ALMS1: variants seen among roughly 807,000 people sequenced by gnomAD.
ALMS1 encodes the protein ALMS1 centrosome and basal body associated protein.
ALMS1 carries 271 observed loss-of-function variants against 352.2 expected under a neutral mutation model. The ratio of observed to expected loss-of-function variants is 0.77; its 90% CI spans 0.70 to 0.85. The LOEUF (loss-of-function observed/expected upper bound fraction) is 0.85, where lower values mean the gene tolerates loss of function less well. Among genes scored for constraint, ALMS1 ranks in the 40% least tolerant of loss-of-function variants. The pLI is 0.00. For missense variants in ALMS1, 5,445 were observed against 4,870.7 expected, an observed-to-expected ratio of 1.12 and a Z score of -3.51; for synonymous variants, 1,865 against 1,761.2, an observed-to-expected ratio of 1.06 and a Z score of -1.48.
chr2:73,450,916 C>CCGTCT lies in ALMS1; in HGVS notation c.4390_4391insGTCTC (p.Gln1464ArgfsTer10), dbSNP rs1217651712. ...TTTCAGTTGCTCCTGGACCAGTTGA[C>CCGTCT]CAGACGATTGGCACACCAACTGTAA... On this transcript the variant is annotated frameshift_variant, in exon 8 of 23. Transcript: ENST00000613296. LOFTEE classifies it high-confidence loss of function. The CCGTCT allele has an allele frequency of 6.2e-7, 1 of 1,613,866 alleles. No homozygotes were observed. Among genetic ancestry groups the CCGTCT allele is most frequent in the Non-Finnish European group, 8.5e-7 (1 of 1,179,942 alleles).
chr2:73,533,769 A>G (rs1673971069), intron 11 of ALMS1, among the ~76,000 whole-genome samples: 2 of 152,312 alleles, frequency 1.3e-5, no homozygotes, highest in South Asian at 4.1e-4. Flanking sequence ...ATGAGATTCC[A>G]TTTACCTCTA....
chr2:73,564,046 GTGTGTGTGTC>G (rs899863720), intron 15 of ALMS1, among the ~76,000 whole-genome samples: 1 of 151,790 alleles, frequency 6.6e-6, no homozygotes, highest in African/African-American at 2.4e-5. Flanking sequence ...GTGTGGCTGT[GTGTGTGTGTC>G]TGTGTGTGTG....
At chr2:73,569,138 C>CA (rs987219621) in intron 15 of ALMS1, among the ~76,000 whole-genome samples, 14 of 150,912 alleles carry the variant, frequency 9.3e-5, no homozygotes, top group Admixed American at 5.3e-4. Flanking sequence ...CCTCAGCCAC[C>CA]ACAGTAGCTG....
rs1164585509 is a variant in ALMS1, at chr2:73,573,527, C to T, written c.11547+103C>T. The T allele has an allele frequency of 4.3e-6, 5 of 1,157,160 alleles. No homozygotes were observed. The South Asian group carries it at 5.2e-5, about 12-fold the overall frequency. The allele number at this position is 1,157,160 out of a possible 1,614,324, so 71.7% of individuals were successfully genotyped here. On this transcript the variant is annotated intron_variant, in intron 16 of 22. Coordinates refer to ENST00000613296, the MANE Select transcript of ALMS1 (RefSeq NM_001378454.1). ...AAAAAAACAAGCCATTTGCCCTTTC[C>T]TCTCTATACCATTTCTTACCAACTG...
chr2:73,577,991 A>G (rs1276045673), intron 16 of ALMS1, among the ~76,000 whole-genome samples: 1 of 152,088 alleles, frequency 6.6e-6, no homozygotes, highest in Non-Finnish European at 1.5e-5. Flanking sequence ...GTCTCCAGCT[A>G]TTACTGTGGA....
rs770072519 is a variant in ALMS1, at chr2:73,550,382, A to G, written c.10023A>G (p.Val3341=). 3 of 1,614,204 alleles carry G rather than the reference A, an allele frequency of 1.9e-6. No homozygotes were observed. The East Asian group carries it at 6.7e-5, about 36-fold the overall frequency. Residue 3341 remains valine (V), a synonymous_variant, in exon 13 of 23, where the codon GTA becomes GTG. Transcript: ENST00000613296. ...AAGAAGGAATCTACAGTAAGAGGGT[A>G]GTGACTAAGGCATCCTTGCCAGTGG... ...KHKEGIYSKR[V]VTKASLPVGE... is the part of the protein sequence containing the mutation.
chr2:73,441,628 C>CCTATTT, intron 7 of ALMS1, among the ~76,000 whole-genome samples: 1 of 152,158 alleles, frequency 6.6e-6, no homozygotes, highest in East Asian at 1.9e-4. Flanking sequence ...TATTCCTATT[C>CCTATTT]CTATTTCTGG....
intron 15 of ALMS1, among the ~76,000 whole-genome samples, chr2:73,565,690 G>A (rs1400952831): frequency 6.6e-6 from 1 of 152,208 alleles, no homozygotes; most frequent in South Asian, 2.1e-4. Context: ...ATAGTGGTAA[G>A]TCATGTTGAT....
intron 9 of ALMS1, among the ~76,000 whole-genome samples, chr2:73,464,985 A>G (rs562825991): frequency 4.7e-4 from 71 of 152,218 alleles, no homozygotes; most frequent in East Asian, 3.1e-3. Context: ...GCTCATGGGT[A>G]GGAAGAATCA....
chr2:73,452,471 A>G lies in ALMS1; in HGVS notation c.5944A>G (p.Ile1982Val), dbSNP rs1671966406. Residue 1982 changes from isoleucine (I) to valine (V), a missense_variant, in exon 8 of 23, where the codon ATA becomes GTA. Transcript: ENST00000613296. ...IPAEQKTGIP[I>V]GLSSSYSHSH... ...AGCAGAGCAGAAGACTGGGATACCA[A>G]TAGGACTGTCTAGTTCCTACTCACA... The G allele has an allele frequency of 1.9e-6, 3 of 1,613,980 alleles. No homozygotes were observed. Among genetic ancestry groups the G allele is most frequent in the South Asian group, 2.2e-5 (2 of 91,076 alleles).
intron 1 of ALMS1, among the ~76,000 whole-genome samples, chr2:73,394,765 A>G (rs1341130626): frequency 6.6e-6 from 1 of 152,122 alleles, no homozygotes; most frequent in Non-Finnish European, 1.5e-5. Flanking sequence ...TGCAAACATC[A>G]TATAGTGTAC....
At position 73,600,617 on chromosome 2, in the gene ALMS1, A is replaced by C. The variant is rs1003828840; in HGVS notation, c.11669-61A>C. 2.7e-6 allele frequency: 4 copies of C among 1,490,590 alleles called. No individual in the cohort carries two copies. The African/African-American group carries it at 5.6e-5, about 21-fold the overall frequency. 92.3% of individuals were successfully genotyped at this position (1,490,590 alleles called of 1,614,324 possible). ...AAAAAGGGTTCACGTACTCACTTGAATAAATCTGTCAACTCAGCCTCAAGG... is the reference window on the plus strand; with the variant it reads ...AAAAAGGGTTCACGTACTCACTTGACTAAATCTGTCAACTCAGCCTCAAGG... On this transcript the variant is annotated intron_variant, in intron 17 of 22. Transcript: ENST00000613296.
intron 9 of ALMS1, among the ~76,000 whole-genome samples, chr2:73,481,592 A>C (rs1409484416): frequency 2.0e-5 from 3 of 151,566 alleles, no homozygotes; most frequent in East Asian, 3.9e-4. Context: ...ACTTTAAAGT[A>C]GTTTTTTCCA....
intron 9 of ALMS1, among the ~76,000 whole-genome samples, chr2:73,466,897 A>T (rs996445468): frequency 6.6e-6 from 1 of 152,098 alleles, no homozygotes; most frequent in South Asian, 2.1e-4. Flanking sequence ...ATTTTTTCCA[A>T]GTTTCTTAAG....
chr2:73,440,091 C>T (rs1671685869), intron 7 of ALMS1, among the ~76,000 whole-genome samples: 1 of 152,126 alleles, frequency 6.6e-6, no homozygotes, highest in Non-Finnish European at 1.5e-5. Context: ...CGCCATTCTC[C>T]TGCCTCAGCC....
At chr2:73,463,217 C>G (rs1296068263) in intron 9 of ALMS1, among the ~76,000 whole-genome samples, 1 of 152,066 alleles carries the variant, frequency 6.6e-6, no homozygotes, top group Non-Finnish European at 1.5e-5. Context: ...GTAAAGCACT[C>G]TCAGCAAATA....
At chr2:73,523,321 C>T (rs1483029218) in intron 11 of ALMS1, among the ~76,000 whole-genome samples, 1 of 152,180 alleles carries the variant, frequency 6.6e-6, no homozygotes, top group Non-Finnish European at 1.5e-5. Flanking sequence ...CAGTAAATCC[C>T]TTTAGGCATC....
Position 73,449,992 on chromosome 2 carries a change from C to T in ALMS1, c.3465C>T (p.His1155=). ...ATAGAGAAAAGCCCAGCATTTTCCA[C>T]CAGCAGGCCTTGCCAGGTACTCATA... ...SQHREKPSIF[H]QQALPGTHIP... Residue 1155 remains histidine (H), a synonymous_variant, in exon 8 of 23, where the codon CAC becomes CAT. Coordinates refer to ENST00000613296, the MANE Select transcript of ALMS1 (RefSeq NM_001378454.1). 1.2e-6 allele frequency: 2 copies of T among 1,613,908 alleles called. No individual in the cohort carries two copies. The highest frequency in any genetic ancestry group is 1.7e-6 in the Non-Finnish European group (2 of 1,179,942).
intron 9 of ALMS1, among the ~76,000 whole-genome samples, chr2:73,471,607 G>A (rs1393403943): frequency 6.6e-6 from 1 of 151,576 alleles, no homozygotes; most frequent in Non-Finnish European, 1.5e-5. Context: ...TGCTGTATAT[G>A]AAAAGATATT....
Sources: allele counts gnomAD v4.1 joint callset (sites outside exome capture counted in the v4.1 genomes callset), GRCh38; gene constraint gnomAD v4.1.1; transcripts MANE v1.5; gene names NCBI Gene and HGNC (gene_info 2026-07-23, HGNC 2026-07-21).